LARP1: variants seen among roughly 807,000 people sequenced by gnomAD.
LARP1 encodes the protein la-related protein 1.
LARP1 carries 36 observed loss-of-function variants against 122.7 expected under a neutral mutation model. That is an observed-to-expected ratio of 0.29 (90% CI 0.22 to 0.39). The LOEUF (loss-of-function observed/expected upper bound fraction) is 0.39. LARP1 is among the 10% of genes least tolerant of loss of function. LARP1 has a pLI of 1.00. For synonymous variants in LARP1, 539 were observed against 528.7 expected (o/e 1.02, Z -0.27); for missense variants, 1,040 against 1,403.6 (o/e 0.74, Z 4.14).
At chr5:154,716,384 G>T (rs1755510511) in intron 1 of LARP1, among the ~76,000 whole-genome samples, 1 of 151,986 alleles carries the variant, frequency 6.6e-6, no homozygotes, top group Non-Finnish European at 1.5e-5. Flanking sequence ...GCCTCCCAAA[G>T]TGCTAGGATT....
chr5:154,720,523 T>C (rs1444014367), intron 1 of LARP1, among the ~76,000 whole-genome samples: 1 of 152,116 alleles, frequency 6.6e-6, no homozygotes, highest in African/African-American at 2.4e-5. Flanking sequence ...GAGACAAGCC[T>C]GAGCAACATA....
At position 154,795,319 on chromosome 5, in the gene LARP1, G is replaced by T; in HGVS notation, c.1377G>T (p.Ala459=). 1 of 1,613,534 alleles carries T rather than the reference G, an allele frequency of 6.2e-7. No individual in the cohort carries two copies. Among genetic ancestry groups the T allele is most frequent in the South Asian group, 1.1e-5 (1 of 91,030 alleles). The change falls in exon 8 of 19, where the codon GCG becomes GCT. Residue 459 remains alanine (A), a splice_region_variant and synonymous_variant. Coordinates refer to ENST00000518297, the MANE Select transcript of LARP1 (RefSeq NM_033551.3). ...ALTTDISLIF[A]ALKDSKVVEI... is the part of the protein sequence containing the mutation. The stretch of plus-strand genomic sequence containing the variant: ...CCACTGACATTTCACTCATCTTTGC[G>T]GTATGTCTTCCTCCCTGGAGCTGGG...
chr5:154,797,023 A>G (rs898975231), intron 8 of LARP1, among the ~76,000 whole-genome samples: 1 of 152,078 alleles, frequency 6.6e-6, no homozygotes, highest in African/African-American at 2.4e-5. Context: ...GGGACCCTAT[A>G]CATTTCCTGC....
chr5:154,709,598 ATTTTTTTTTT>A (rs60062105), upstream of LARP1, among the ~76,000 whole-genome samples: 1 of 81,348 alleles, frequency 1.2e-5, no homozygotes, highest in Admixed American at 1.5e-4. Flanking sequence ...CTCCAGTGAG[ATTTTTTTTTT>A]TTTTTTTTTT....
At chr5:154,699,142 GT>G (rs916292070) in intron 1 of LARP1, among the ~76,000 whole-genome samples, 2 of 152,124 alleles carry the variant, frequency 1.3e-5, no homozygotes, top group Non-Finnish European at 2.9e-5. Context: ...GACTATTCCT[GT>G]TTTTCCCCTC....
intron 8 of LARP1, among the ~76,000 whole-genome samples, chr5:154,796,599 A>G (rs1757873327): frequency 6.6e-6 from 1 of 152,096 alleles, no homozygotes; most frequent in South Asian, 2.1e-4. Context: ...ACTTTATCAT[A>G]ATGATGTATT....
intron 3 of LARP1, 51 bp downstream of exon 3, chr5:154,790,761 C>T: frequency 6.8e-7 from 1 of 1,468,538 alleles, no homozygotes; most frequent in Non-Finnish European, 9.5e-7. Context: ...GACATACACA[C>T]ATTTAGCTCC....
intron 1 of LARP1, among the ~76,000 whole-genome samples, chr5:154,787,434 G>A (rs979630127): frequency 4.6e-5 from 7 of 152,192 alleles, no homozygotes; most frequent in African/African-American, 7.2e-5. Flanking sequence ...GTGTGCACAC[G>A]TGCTCCAGTG....
chr5:154,753,555 C>G (rs1207999562), upstream of LARP1, among the ~76,000 whole-genome samples: 1 of 152,170 alleles, frequency 6.6e-6, no homozygotes, highest in African/African-American at 2.4e-5. Context: ...GTAACATTAC[C>G]TTCCTTGGTA....
At chr5:154,723,872 C>G (rs747478612) in intron 1 of LARP1, among the ~76,000 whole-genome samples, 1 of 152,180 alleles carries the variant, frequency 6.6e-6, no homozygotes, top group Non-Finnish European at 1.5e-5. Context: ...CAGCCCCACT[C>G]CCCTGGCATG....
intron 16 of LARP1, 125 bp from the exon 17 acceptor site, chr5:154,811,122 G>A (rs1759237808): frequency 2.9e-6 from 2 of 689,536 alleles, no homozygotes; most frequent in Admixed American, 5.3e-5. Context: ...AAGCGTGTAT[G>A]CTGTTTTTTC....
rs1293103977 is a variant in LARP1, at chr5:154,814,805, T to C, written c.*709T>C. ...ACGCTGCTTTTACCAGGAAAGACTA[T>C]TGAAAGATGTTTTATTTTATTTTTC... is the stretch of plus-strand genomic sequence containing the variant. On this transcript the variant is annotated 3_prime_UTR_variant, in exon 19 of 19. Transcript: ENST00000518297. 1 of 152,188 alleles carries C rather than the reference T, an allele frequency of 6.6e-6. No individual in the cohort carries two copies. The highest frequency in any genetic ancestry group is 1.5e-5 in the Non-Finnish European group (1 of 67,994). 9.4% of individuals were successfully genotyped at this position (152,188 alleles called of 1,614,324 possible).
At chr5:154,795,512 C>T (rs1384977463) in intron 8 of LARP1, among the ~76,000 whole-genome samples, 193 bp downstream of exon 8, 2 of 152,056 alleles carry the variant, frequency 1.3e-5, no homozygotes, top group African/African-American at 2.4e-5. Flanking sequence ...TGGAAAATGT[C>T]AGACACTTAA....
At chr5:154,787,441 A>G (rs1214085742) in intron 1 of LARP1, among the ~76,000 whole-genome samples, 1 of 152,162 alleles carries the variant, frequency 6.6e-6, no homozygotes, top group Non-Finnish European at 1.5e-5. Context: ...CACGTGCTCC[A>G]GTGGTTACCT....
In LARP1 at chr5:154,795,390, G is replaced by A. The variant is rs117940856; in HGVS notation, c.1377+71G>A. On this transcript the variant is annotated intron_variant, in intron 8 of 18. Coordinates refer to ENST00000518297, the MANE Select transcript of LARP1 (RefSeq NM_033551.3). Reference sequence around the variant, plus strand: ...CTTAGGGAGCTGGAGTTTGGGCCAAGGCAGAAAGCCCTGGAAGAGTCATCA... The same window carrying A: ...CTTAGGGAGCTGGAGTTTGGGCCAAAGCAGAAAGCCCTGGAAGAGTCATCA... 434 of 1,511,146 alleles carry A rather than the reference G, an allele frequency of 2.9e-4. No individual in the cohort carries two copies. In the East Asian group the frequency reaches 9.1e-3, roughly 32 times the overall value. The allele number at this position is 1,511,146 out of a possible 1,614,324, so 93.6% of individuals were successfully genotyped here. A position where few individuals can be genotyped will look rare whatever the true frequency, so the allele number is the denominator to read the frequency against.
intron 13 of LARP1, among the ~76,000 whole-genome samples, 166 bp from the exon 14 acceptor site, chr5:154,804,035 G>A (rs911740921): frequency 6.6e-6 from 1 of 152,192 alleles, no homozygotes; most frequent in African/African-American, 2.4e-5. Context: ...GTTTGAAATA[G>A]GCATACCAGT....
intron 1 of LARP1, among the ~76,000 whole-genome samples, chr5:154,778,280 GC>G (rs1756100556): frequency 7.0e-6 from 1 of 143,168 alleles, no homozygotes; most frequent in South Asian, 2.2e-4. Flanking sequence ...AAAAAAAAGT[GC>G]AGCTCTGATT....
intron 13 of LARP1, 82 bp from the exon 14 acceptor site, chr5:154,804,119 C>T (rs1758562295): frequency 3.2e-6 from 3 of 950,612 alleles, no homozygotes; most frequent in Non-Finnish European, 5.1e-6. Flanking sequence ...GAGATCATGC[C>T]CATCTTAGTC....
At chr5:154,720,056 T>TG (rs1378154212) in intron 1 of LARP1, among the ~76,000 whole-genome samples, 1 of 152,002 alleles carries the variant, frequency 6.6e-6, no homozygotes, top group African/African-American at 2.4e-5. Context: ...CCAGGCGTGA[T>TG]GGCATGTGCC....
Sources: gnomAD v4.1 joint callset for allele counts (sites outside exome capture counted in the v4.1 genomes callset) on GRCh38, gnomAD v4.1.1 for gene constraint, MANE v1.5 for transcripts, NCBI Gene and HGNC (gene_info 2026-07-23, HGNC 2026-07-21) for gene names.